NR3C2: variants seen among roughly 807,000 people sequenced by gnomAD.
The protein encoded by NR3C2 is nuclear receptor subfamily 3 group C member 2.
In NR3C2, 15 loss-of-function variants were observed where a neutral mutation model predicts 86.4. That is an observed-to-expected ratio of 0.17 (90% CI 0.12 to 0.27). The LOEUF (loss-of-function observed/expected upper bound fraction) is 0.27. Among genes scored for constraint, NR3C2 ranks in the 10% least tolerant of loss-of-function variants. The pLI, the probability that NR3C2 is intolerant of heterozygous loss-of-function variation, is 1.00. For missense variants in NR3C2, 960 were observed against 1,195.6 expected (o/e 0.80, Z 2.91); for synonymous variants, 458 against 450.5 (o/e 1.02, Z -0.21).
At chr4:148,195,116 T>C (rs1736380403) in intron 3 of NR3C2, among the ~76,000 whole-genome samples, 1 of 152,220 alleles carries the variant, frequency 6.6e-6, no homozygotes, top group African/African-American at 2.4e-5. Flanking sequence ...TATTTCTCCA[T>C]TATTTGAATT....
At chr4:148,299,072 T>C (rs1742201409) in intron 2 of NR3C2, among the ~76,000 whole-genome samples, 1 of 152,194 alleles carries the variant, frequency 6.6e-6, no homozygotes, top group Non-Finnish European at 1.5e-5. Context: ...TGGGAGCCTA[T>C]TGGCAGAACC....
chr4:148,437,957 C>A (rs768505841), intron 1 of NR3C2, among the ~76,000 whole-genome samples: 22 of 152,132 alleles, frequency 1.4e-4, no homozygotes, highest in Non-Finnish European at 2.9e-4. Flanking sequence ...ATAATTCTTA[C>A]CCATATAATT....
At chr4:148,127,220 AT>A (rs1457723335) in intron 6 of NR3C2, among the ~76,000 whole-genome samples, 3 of 152,252 alleles carry the variant, frequency 2.0e-5, no homozygotes, top group South Asian at 4.1e-4. Context: ...TTTTTGCACA[AT>A]TTTTTGTGCA....
intron 4 of NR3C2, among the ~76,000 whole-genome samples, chr4:148,161,814 CT>C: frequency 6.6e-6 from 1 of 152,078 alleles, no homozygotes; most frequent in African/African-American, 2.4e-5. Context: ...AGATTACAAT[CT>C]TAGGGAAGTT....
intron 3 of NR3C2, among the ~76,000 whole-genome samples, chr4:148,239,933 T>C (rs1216831218): frequency 6.6e-6 from 1 of 151,972 alleles, no homozygotes; most frequent in Non-Finnish European, 1.5e-5. Flanking sequence ...TCTTTCACGA[T>C]GATGGGGTTT....
At chr4:148,139,297 C>T (rs1433178415) in intron 6 of NR3C2, among the ~76,000 whole-genome samples, 1 of 152,174 alleles carries the variant, frequency 6.6e-6, no homozygotes, top group African/African-American at 2.4e-5. Flanking sequence ...AAACTTTGGG[C>T]TTTGGTTTCC....
chr4:148,414,383 A>G (rs879802736), intron 2 of NR3C2, among the ~76,000 whole-genome samples: 30 of 152,296 alleles, frequency 2.0e-4, no homozygotes, highest in African/African-American at 6.5e-4. Flanking sequence ...TCTGAACCCA[A>G]TGAAAAATTA....
chr4:148,330,604 A>G (rs1283189177), intron 2 of NR3C2, among the ~76,000 whole-genome samples: 1 of 152,236 alleles, frequency 6.6e-6, no homozygotes, highest in Non-Finnish European at 1.5e-5. Context: ...TTTAACCTGT[A>G]GGCCTATGTT....
upstream of NR3C2, chr4:148,444,433 T>C: frequency 5.1e-6 from 5 of 986,450 alleles, no homozygotes; most frequent in Non-Finnish European, 6.0e-6. Flanking sequence ...CCCTCTGCCC[T>C]GGGCGCGCAA....
intron 2 of NR3C2, among the ~76,000 whole-genome samples, chr4:148,378,660 T>G (rs1746799919): frequency 6.6e-6 from 1 of 152,202 alleles, no homozygotes; most frequent in South Asian, 2.1e-4. Context: ...TGCTTCTCCC[T>G]TTATCTTCTG....
intron 3 of NR3C2, among the ~76,000 whole-genome samples, chr4:148,229,602 A>T (rs915619779): frequency 2.0e-5 from 3 of 152,130 alleles, no homozygotes; most frequent in Admixed American, 6.5e-5. Flanking sequence ...GTTAGAGAGT[A>T]CTGACATTCT....
chr4:148,087,036 G>A (rs1291553930), intron 8 of NR3C2, among the ~76,000 whole-genome samples: 1 of 152,158 alleles, frequency 6.6e-6, no homozygotes, highest in Non-Finnish European at 1.5e-5. Flanking sequence ...CATCATCTCA[G>A]CCCAAAATCT....
chr4:148,395,943 C>A (rs982482804), intron 2 of NR3C2, among the ~76,000 whole-genome samples: 1 of 152,200 alleles, frequency 6.6e-6, no homozygotes, highest in African/African-American at 2.4e-5. Flanking sequence ...TTACAGGCAG[C>A]TAGAGGTGGA....
chr4:148,312,001 T>A (rs913320044), intron 2 of NR3C2, among the ~76,000 whole-genome samples: 1 of 152,244 alleles, frequency 6.6e-6, no homozygotes, highest in Admixed American at 6.5e-5. Flanking sequence ...TGCATGGGCA[T>A]GCATGCACAC....
intron 2 of NR3C2, among the ~76,000 whole-genome samples, chr4:148,309,976 G>C (rs1296185166): frequency 6.6e-6 from 1 of 151,970 alleles, no homozygotes; most frequent in Non-Finnish European, 1.5e-5. Flanking sequence ...GGCTCTCCAA[G>C]GGCGGGGGTG....
intron 2 of NR3C2, among the ~76,000 whole-genome samples, chr4:148,282,018 T>C (rs1055022598): frequency 2.0e-5 from 3 of 152,194 alleles, no homozygotes; most frequent in African/African-American, 7.2e-5. Context: ...TTTATGAGTA[T>C]CTCTTACTTA....
At chr4:148,373,405 T>C (rs896398831) in intron 2 of NR3C2, among the ~76,000 whole-genome samples, 1 of 152,090 alleles carries the variant, frequency 6.6e-6, no homozygotes, top group Admixed American at 6.6e-5. Context: ...GGTAGGTATA[T>C]GCTTCTCCCA....
chr4:148,214,068 G>A (rs577140443), intron 3 of NR3C2, among the ~76,000 whole-genome samples: 1 of 152,316 alleles, frequency 6.6e-6, no homozygotes, highest in South Asian at 2.1e-4. Flanking sequence ...AAGACCTGGG[G>A]TTGAAATCAA....
intron 4 of NR3C2, among the ~76,000 whole-genome samples, chr4:148,165,759 CAA>C (rs1010311782): frequency 2.0e-5 from 3 of 152,082 alleles, no homozygotes; most frequent in African/African-American, 7.2e-5. Flanking sequence ...TGAATTGATA[CAA>C]AAATATTTTT....
Sources: allele counts gnomAD v4.1 joint callset (sites outside exome capture counted in the v4.1 genomes callset), GRCh38; gene constraint gnomAD v4.1.1; transcripts MANE v1.5; gene names NCBI Gene and HGNC (gene_info 2026-07-23, HGNC 2026-07-21).